The following MFAP5 variants were observed in gnomAD, a reference collection of about 807,000 sequenced individuals.
MFAP5 encodes microfibrillar-associated protein 5.
Under a neutral mutation model 30.1 loss-of-function variants are expected in MFAP5, and 19 were observed. The ratio of observed to expected loss-of-function variants is 0.63; its 90% confidence interval spans 0.44 to 0.93. The LOEUF (loss-of-function observed/expected upper bound fraction) is 0.93, where lower values mean the gene tolerates loss of function less well. Ranked by LOEUF, MFAP5 falls within the 40% of genes least tolerant of loss-of-function variation. MFAP5 has a pLI of 0.00. For synonymous variants in MFAP5, 92 were observed against 72.9 expected (o/e 1.26, Z -1.33); for missense variants, 210 against 221.3 (o/e 0.95, Z 0.32).
intron 5 of MFAP5, 105 bp from the exon 6 acceptor site, chr12:8,654,586 G>C (rs1433845413): frequency 1.1e-5 from 12 of 1,058,272 alleles, no homozygotes; most frequent in Non-Finnish European, 1.7e-5. Context: ...GGAAGACTAT[G>C]TCTGGCTTTG....
intron 5 of MFAP5, among the ~76,000 whole-genome samples, chr12:8,655,086 C>T (rs1431942973): frequency 1.3e-5 from 2 of 151,946 alleles, no homozygotes; most frequent in South Asian, 2.1e-4. Flanking sequence ...AAGACCAGCT[C>T]GGCCAACATG....
At position 8,655,466 on chromosome 12, in the gene MFAP5, A is replaced by C; in HGVS notation, c.140-19T>G. Reference sequence around the variant, plus strand: ...ACCAGATCTGCAAAGACACATAACAAGGAATGAAAAAATGCAGTCAGGAAA... The same window carrying C: ...ACCAGATCTGCAAAGACACATAACACGGAATGAAAAAATGCAGTCAGGAAA... On this transcript the variant is annotated intron_variant, in intron 4 of 9. Coordinates refer to ENST00000359478, the MANE Select transcript of MFAP5 (RefSeq NM_003480.4). 1 of 1,605,194 alleles carries C rather than the reference A, an allele frequency of 6.2e-7. No homozygotes were observed. The highest frequency in any genetic ancestry group is 2.2e-5 in the East Asian group (1 of 44,796).
intron 6 of MFAP5, 88 bp downstream of exon 6, chr12:8,654,349 C>G: frequency 7.7e-7 from 1 of 1,302,258 alleles, no homozygotes; most frequent in Non-Finnish European, 1.1e-6. Context: ...TTTTTAGGAT[C>G]CTTCAGCAGC....
intron 6 of MFAP5, among the ~76,000 whole-genome samples, chr12:8,653,236 A>G (rs951004385): frequency 2.0e-5 from 3 of 151,906 alleles, no homozygotes; most frequent in African/African-American, 7.3e-5. Context: ...CTGGATGTCA[A>G]CTCAACAATC....
chr12:8,659,644 G>A (rs1169010587), intron 3 of MFAP5, among the ~76,000 whole-genome samples: 2 of 151,988 alleles, frequency 1.3e-5, no homozygotes, highest in African/African-American at 4.8e-5. Flanking sequence ...TCAGAAACTC[G>A]GGGATTCGGG....
At position 8,646,676 on chromosome 12, in the gene MFAP5, C is replaced by T. The variant is rs1941689307; in HGVS notation, c.*1415G>A. On this transcript the variant is annotated 3_prime_UTR_variant, in exon 10 of 10. Coordinates refer to ENST00000359478, the MANE Select transcript of MFAP5 (RefSeq NM_003480.4). Reference sequence around the variant, plus strand: ...TAAGATGGACTTTTGCTTTTGTCACCCAGGCTGGAGTGCAATGGCGCCATC... The same window carrying T: ...TAAGATGGACTTTTGCTTTTGTCACTCAGGCTGGAGTGCAATGGCGCCATC... The T allele has an allele frequency of 6.6e-6, 1 of 151,594 alleles. No individual in the cohort carries two copies. Among genetic ancestry groups the T allele is most frequent in the Non-Finnish European group, 1.5e-5 (1 of 67,902 alleles). 9.4% of individuals were successfully genotyped at this position (151,594 alleles called of 1,614,324 possible). A position where few individuals can be genotyped will look rare whatever the true frequency, so the allele number is the denominator to read the frequency against.
intron 3 of MFAP5, among the ~76,000 whole-genome samples, chr12:8,656,666 A>ATTT (rs1465516929): frequency 7.0e-4 from 85 of 121,264 alleles, no homozygotes; most frequent in African/African-American, 2.5e-3. Flanking sequence ...ATATATATAT[A>ATTT]TATTTTTTTT....
intron 7 of MFAP5, 149 bp from the exon 8 acceptor site, chr12:8,650,738 C>A: frequency 1.5e-6 from 1 of 679,962 alleles, no homozygotes. Flanking sequence ...TACATCCTTT[C>A]CGTCCACCAA....
intron 8 of MFAP5, among the ~76,000 whole-genome samples, chr12:8,649,939 CTT>C (rs1941789091): frequency 6.6e-6 from 1 of 152,174 alleles, no homozygotes; most frequent in South Asian, 2.1e-4. Flanking sequence ...CTCTCCCACT[CTT>C]TCCCCTGAGT....
chr12:8,649,298 TTCTTAGGGTTATGTTTGTATA>T lies in MFAP5; in HGVS notation c.409+182_409+202del, dbSNP rs763417999. On this transcript the variant is annotated intron_variant, in intron 9 of 9. Coordinates refer to ENST00000359478, the MANE Select transcript of MFAP5 (RefSeq NM_003480.4). ...GTAGGACAGGGATCTAGGGGTACTT[TTCTTAGGGTTATGTTTGTATA>T]TCAAGCATACTGCTTTATGTAGATT... 2.0e-5 allele frequency among the ~76,000 whole-genome samples: 3 copies of T among 151,960 alleles called. No individual in the cohort carries two copies. In the South Asian group the frequency reaches 6.2e-4, roughly 32 times the overall value.
At position 8,655,400 on chromosome 12, in the gene MFAP5, T is replaced by G; in HGVS notation, c.172+15A>C. ...AGAACCATGCCATTTTTTTTTTAAC[T>G]GCGGTAAAATTTACCTGTTTCATCT... On this transcript the variant is annotated intron_variant, in intron 5 of 9. Coordinates refer to ENST00000359478, the MANE Select transcript of MFAP5 (RefSeq NM_003480.4). 6.3e-7 allele frequency: 1 copy of G among 1,584,906 alleles called. No individual in the cohort carries two copies.
At chr12:8,655,645 C>G in intron 4 of MFAP5, 141 bp downstream of exon 4, 1 of 1,052,672 alleles carries the variant, frequency 9.5e-7, no homozygotes, top group Non-Finnish European at 1.4e-6. Flanking sequence ...ATGCTGGCAT[C>G]TAAGGTGACA....
In MFAP5 at chr12:8,646,002, T is replaced by C. The variant is rs1372935373; in HGVS notation, c.*2089A>G. On this transcript the variant is annotated 3_prime_UTR_variant, in exon 10 of 10. Transcript: ENST00000359478. ...AATTGGAAAAAAATATTTTAAAATGTTTAATTTGCAATATACATAATACTG... is the reference window on the plus strand; with the variant it reads ...AATTGGAAAAAAATATTTTAAAATGCTTAATTTGCAATATACATAATACTG... The C allele has an allele frequency of 1.3e-5, 2 of 152,668 alleles. No homozygotes were observed. Among genetic ancestry groups the C allele is most frequent in the East Asian group, 3.8e-4 (2 of 5,202 alleles). The allele number at this position is 152,668 out of a possible 1,614,324, so 9.5% of individuals were successfully genotyped here.
chr12:8,648,503 G>GT (rs1388404767), intron 9 of MFAP5: 165 of 1,294,300 alleles, frequency 1.3e-4, no homozygotes, highest in Non-Finnish European at 1.6e-4. Flanking sequence ...CAGGTGAGCA[G>GT]TAAATGTTAG....
intron 3 of MFAP5, among the ~76,000 whole-genome samples, chr12:8,660,654 G>A (rs1397223418): frequency 6.6e-6 from 1 of 151,942 alleles, no homozygotes; most frequent in Non-Finnish European, 1.5e-5. Context: ...CACACAAGAA[G>A]CTTTTATGAA....
chr12:8,649,392 T>TA, intron 9 of MFAP5, 109 bp downstream of exon 9: 1 of 905,404 alleles, frequency 1.1e-6, no homozygotes, highest in Non-Finnish European at 1.8e-6. Context: ...TCTAAGGGGG[T>TA]AGCCTGAAGC....
intron 7 of MFAP5, among the ~76,000 whole-genome samples, 177 bp from the exon 8 acceptor site, chr12:8,650,766 A>G (rs1288544682): frequency 6.6e-6 from 1 of 152,212 alleles, no homozygotes; most frequent in Admixed American, 6.5e-5. Context: ...GCAAGAGGGA[A>G]TTGACTAAAT....
chr12:8,648,754 G>A (rs1297344151), intron 9 of MFAP5, among the ~76,000 whole-genome samples: 1 of 152,192 alleles, frequency 6.6e-6, no homozygotes, highest in Non-Finnish European at 1.5e-5. Context: ...TTCCTTCTGC[G>A]AAGTTAACTA....
At chr12:8,650,373 T>G (rs780878096) in intron 8 of MFAP5, 129 bp downstream of exon 8, 7 of 770,166 alleles carry the variant, frequency 9.1e-6, no homozygotes, top group Non-Finnish European at 1.3e-5. Flanking sequence ...CAGCAATAAC[T>G]AGGAGGGTTG....
Sources: allele counts gnomAD v4.1 joint callset (sites outside exome capture counted in the v4.1 genomes callset), GRCh38; gene constraint gnomAD v4.1.1; transcripts MANE v1.5; gene names NCBI Gene and HGNC (gene_info 2026-07-23, HGNC 2026-07-21).